KCNK2: variants seen among roughly 807,000 people sequenced by gnomAD.
KCNK2 encodes potassium two pore domain channel subfamily K member 2.
KCNK2 carries 21 observed loss-of-function variants against 40.5 expected under a neutral mutation model. That is an observed-to-expected ratio of 0.52 (90% CI 0.37 to 0.75). KCNK2 has a LOEUF of 0.75. KCNK2 is among the 30% of genes least tolerant of loss of function. KCNK2 has a pLI of 0.00. For missense variants in KCNK2, 399 were observed against 531.6 expected (o/e 0.75, Z 2.45); for synonymous variants, 191 against 202.2 (o/e 0.94, Z 0.47).
upstream of KCNK2, among the ~76,000 whole-genome samples, chr1:215,078,092 C>T (rs1659013404): frequency 6.6e-6 from 1 of 152,184 alleles, no homozygotes; most frequent in South Asian, 2.1e-4. Flanking sequence ...ATAAAATACA[C>T]TAACACTAAT....
chr1:215,147,896 A>G (rs1327399070), intron 3 of KCNK2, among the ~76,000 whole-genome samples: 1 of 152,054 alleles, frequency 6.6e-6, no homozygotes, highest in East Asian at 1.9e-4. Flanking sequence ...TCTGATTTCT[A>G]AAAGGTTTGC....
intron 2 of KCNK2, among the ~76,000 whole-genome samples, chr1:215,120,346 T>C (rs985118356): frequency 6.6e-6 from 1 of 152,204 alleles, no homozygotes. Flanking sequence ...AAGACTTACC[T>C]TATCTTTTCT....
chr1:215,021,441 G>A (rs753576603), intron 1 of KCNK2, among the ~76,000 whole-genome samples: 1 of 151,160 alleles, frequency 6.6e-6, no homozygotes, highest in African/African-American at 2.4e-5. Flanking sequence ...CTTACCCAAG[G>A]TGGGCAGGCA....
intron 1 of KCNK2, among the ~76,000 whole-genome samples, chr1:215,035,199 A>T (rs943556873): frequency 6.6e-5 from 10 of 152,112 alleles, no homozygotes; most frequent in Non-Finnish European, 1.5e-4. Context: ...TCAGTGATGT[A>T]ATGTCAAACA....
At chr1:215,146,514 T>G (rs562412448) in intron 3 of KCNK2, among the ~76,000 whole-genome samples, 1 of 152,316 alleles carries the variant, frequency 6.6e-6, no homozygotes, top group East Asian at 1.9e-4. Context: ...CACTTAAAGT[T>G]GACACAAAAT....
intron 1 of KCNK2, among the ~76,000 whole-genome samples, chr1:215,062,955 T>A (rs1303562073): frequency 6.6e-6 from 1 of 151,992 alleles, no homozygotes; most frequent in East Asian, 1.9e-4. Flanking sequence ...TACAATGGGA[T>A]AAGAATGAAA....
intron 3 of KCNK2, among the ~76,000 whole-genome samples, chr1:215,136,139 C>G (rs956423118): frequency 1.3e-5 from 2 of 152,016 alleles, no homozygotes; most frequent in East Asian, 3.9e-4. Flanking sequence ...GAGTCTCACT[C>G]TGTCGCCCAG....
At chr1:215,093,560 G>GATATATAATATATAGTATATATACT (rs1558087497) in intron 2 of KCNK2, among the ~76,000 whole-genome samples, 1 of 98,836 alleles carries the variant, frequency 1.0e-5, no homozygotes, top group Non-Finnish European at 1.8e-5. Context: ...GTATATATAA[G>GATATATAATATATAGTATATATACT]ATATATAATA....
Position 215,131,051 on chromosome 1 carries a change from G to C in KCNK2, c.475+6301G>C, listed in dbSNP as rs917821404. Among the ~76,000 whole-genome samples the C allele has an allele frequency of 1.9e-4, 29 of 150,828 alleles. 1 individual carries two copies. The highest frequency in any genetic ancestry group is 1.7e-3 in the Admixed American group (26 of 15,164). ...AATTTTTTGTATTTTTAGTAGAGAC[G>C]GGGTTTCACCGTGTTAGCCAAGATG... On this transcript the variant is annotated intron_variant, in intron 3 of 6. Coordinates refer to ENST00000444842, the MANE Select transcript of KCNK2 (RefSeq NM_001017425.3).
chr1:215,171,670 A>G (rs1257590831), intron 4 of KCNK2, among the ~76,000 whole-genome samples: 1 of 152,144 alleles, frequency 6.6e-6, no homozygotes, highest in African/African-American at 2.4e-5. Context: ...CAAATCTAAA[A>G]TTGCATTCTC....
intron 3 of KCNK2, among the ~76,000 whole-genome samples, chr1:215,163,741 A>T (rs1663312833): frequency 6.6e-6 from 1 of 152,148 alleles, no homozygotes; most frequent in African/African-American, 2.4e-5. Flanking sequence ...GCGTATGTTG[A>T]ACCAGACTTG....
rs148178241 is a variant in KCNK2 at position 215,116,624 on chromosome 1, C to T, written c.358-8009C>T. On this transcript the variant is annotated intron_variant, in intron 2 of 6. Coordinates refer to ENST00000444842, the MANE Select transcript of KCNK2 (RefSeq NM_001017425.3). ...TAGCTTTGACACTCGATTGCATAAT[C>T]CCCAAATGGAAGGAAATATATCAGA... Among the ~76,000 whole-genome samples, 656 of 152,150 alleles carry T rather than the reference C, an allele frequency of 4.3e-3. 1 individual carries two copies. The highest frequency in any genetic ancestry group is 0.01 in the Middle Eastern group (3 of 294).
At chr1:215,098,186 G>A (rs940106303) in intron 2 of KCNK2, among the ~76,000 whole-genome samples, 1 of 141,092 alleles carries the variant, frequency 7.1e-6, no homozygotes, top group Non-Finnish European at 1.6e-5. Flanking sequence ...ACTTTGATAA[G>A]TGTTCATTAA....
intron 2 of KCNK2, among the ~76,000 whole-genome samples, chr1:215,119,070 A>G (rs1195810336): frequency 1.3e-5 from 2 of 152,182 alleles, no homozygotes; most frequent in Non-Finnish European, 2.9e-5. Context: ...CTCTGAAAGC[A>G]GTACATTCTT....
chr1:215,211,760 G>T (rs1571737348), intron 6 of KCNK2, among the ~76,000 whole-genome samples: 1 of 152,016 alleles, frequency 6.6e-6, no homozygotes, highest in African/African-American at 2.4e-5. Context: ...ATAATGTAGA[G>T]ATTTTGTTTT....
At chr1:215,152,531 T>C (rs972908313) in intron 3 of KCNK2, among the ~76,000 whole-genome samples, 1 of 152,196 alleles carries the variant, frequency 6.6e-6, no homozygotes, top group African/African-American at 2.4e-5. Context: ...ATTAATGGTA[T>C]AAAGAAAAGC....
intron 6 of KCNK2, among the ~76,000 whole-genome samples, chr1:215,224,556 A>T (rs895537659): frequency 6.6e-5 from 10 of 152,050 alleles, no homozygotes; most frequent in South Asian, 4.1e-4. Flanking sequence ...AATGAAAAAA[A>T]TTTTTTTTCA....
intron 2 of KCNK2, among the ~76,000 whole-genome samples, chr1:215,090,811 G>C (rs1659662182): frequency 6.6e-6 from 1 of 152,196 alleles, no homozygotes; most frequent in African/African-American, 2.4e-5. Context: ...AAACTGACAT[G>C]TTTGGACAAG....
intron 6 of KCNK2, among the ~76,000 whole-genome samples, chr1:215,232,731 CA>C (rs1666721027): frequency 6.6e-6 from 1 of 151,848 alleles, no homozygotes; most frequent in Non-Finnish European, 1.5e-5. Flanking sequence ...AGACAATTAC[CA>C]AAGTAAAGTG....
Sources: allele counts gnomAD v4.1 joint callset (sites outside exome capture counted in the v4.1 genomes callset), GRCh38; gene constraint gnomAD v4.1.1; transcripts MANE v1.5; gene names NCBI Gene and HGNC (gene_info 2026-07-23, HGNC 2026-07-21).